The following PTPRN2 variants were observed in gnomAD, a reference collection of about 807,000 sequenced individuals.
The protein encoded by PTPRN2 is receptor-type tyrosine-protein phosphatase N2.
Under a neutral mutation model 118.8 loss-of-function variants are expected in PTPRN2, and 74 were observed. That is an observed-to-expected ratio of 0.62 (90% CI 0.52 to 0.76). The LOEUF (loss-of-function observed/expected upper bound fraction) is 0.76, where lower values mean the gene tolerates loss of function less well. PTPRN2 is among the 30% of genes least tolerant of loss of function. The pLI is 0.00. For synonymous variants in PTPRN2, 641 were observed against 608.0 expected (o/e 1.05, Z -0.80); for missense variants, 1,481 against 1,394.4 (o/e 1.06, Z -0.99).
chr7:157,921,217 A>G (rs1798675675), intron 11 of PTPRN2, among the ~76,000 whole-genome samples: 1 of 152,190 alleles, frequency 6.6e-6, no homozygotes, highest in Non-Finnish European at 1.5e-5. Context: ...AAGTGAAAGA[A>G]GCCATCCTGG....
At chr7:158,351,432 G>T (rs1312756350) in intron 2 of PTPRN2, among the ~76,000 whole-genome samples, 1 of 152,174 alleles carries the variant, frequency 6.6e-6, no homozygotes, top group Non-Finnish European at 1.5e-5. Context: ...GGGGCGACTC[G>T]TACACTGTAC....
At chr7:158,290,011 C>A (rs1800010403) in intron 3 of PTPRN2, among the ~76,000 whole-genome samples, 1 of 152,174 alleles carries the variant, frequency 6.6e-6, no homozygotes, top group Non-Finnish European at 1.5e-5. Flanking sequence ...TAGAGCCTGG[C>A]ATCCGTTAAG....
At chr7:158,534,491 G>A (rs1391372979) in intron 1 of PTPRN2, among the ~76,000 whole-genome samples, 2 of 152,206 alleles carry the variant, frequency 1.3e-5, no homozygotes, top group Non-Finnish European at 2.9e-5. Flanking sequence ...ACAGCTGTGT[G>A]CTGCTCTTCA....
At chr7:157,902,876 G>A (rs1311661373) in intron 11 of PTPRN2, among the ~76,000 whole-genome samples, 9 of 152,168 alleles carry the variant, frequency 5.9e-5, no homozygotes, top group African/African-American at 9.7e-5. Context: ...AACAGGCATC[G>A]TGGTGAGCTC....
intron 2 of PTPRN2, among the ~76,000 whole-genome samples, chr7:158,410,635 T>C (rs964307841): frequency 6.6e-6 from 1 of 152,196 alleles, no homozygotes; most frequent in African/African-American, 2.4e-5. Context: ...CACGAGTGGC[T>C]CTTAACTTCT....
intron 9 of PTPRN2, among the ~76,000 whole-genome samples, chr7:158,132,507 GCA>G (rs1367849513): frequency 6.7e-6 from 1 of 149,430 alleles, no homozygotes; most frequent in African/African-American, 2.5e-5. Context: ...ACATACAGAT[GCA>G]CACACATTTA....
intron 11 of PTPRN2, among the ~76,000 whole-genome samples, chr7:157,956,435 G>A (rs1447637170): frequency 1.3e-5 from 2 of 152,370 alleles, no homozygotes; most frequent in South Asian, 2.1e-4. Flanking sequence ...TCTACCAGAA[G>A]AGGCTGGGTC....
intron 14 of PTPRN2, among the ~76,000 whole-genome samples, chr7:157,635,841 C>T (rs991081643): frequency 1.3e-5 from 2 of 152,242 alleles, no homozygotes; most frequent in Non-Finnish European, 2.9e-5. Context: ...AGCTTACAGT[C>T]TCTCACCCCA....
At chr7:158,329,843 C>T (rs1022457306) in intron 2 of PTPRN2, among the ~76,000 whole-genome samples, 2 of 152,152 alleles carry the variant, frequency 1.3e-5, no homozygotes, top group East Asian at 3.9e-4. Context: ...CGGAGACTCA[C>T]TTTCACTTTA....
chr7:157,932,074 C>T (rs898781607), intron 11 of PTPRN2, among the ~76,000 whole-genome samples: 1 of 152,222 alleles, frequency 6.6e-6, no homozygotes, highest in Non-Finnish European at 1.5e-5. Flanking sequence ...AAATCTCTCT[C>T]TATATTTATA....
At chr7:158,278,328 C>A (rs558115837) in intron 3 of PTPRN2, among the ~76,000 whole-genome samples, 29 of 145,074 alleles carry the variant, frequency 2.0e-4, no homozygotes, top group Admixed American at 1.9e-3. Context: ...CATGATGAAA[C>A]CCCGTCTCTA....
intron 2 of PTPRN2, among the ~76,000 whole-genome samples, chr7:158,479,682 CCACT>C (rs1820523665): frequency 6.6e-6 from 1 of 152,232 alleles, no homozygotes; most frequent in African/African-American, 2.4e-5. Flanking sequence ...GAATCACAAA[CCACT>C]CAGAGAGCCT....
At chr7:157,873,933 G>A (rs1424223260) in intron 12 of PTPRN2, among the ~76,000 whole-genome samples, 2 of 152,146 alleles carry the variant, frequency 1.3e-5, no homozygotes, top group Non-Finnish European at 2.9e-5. Context: ...GGGGAAAGTT[G>A]TTTCCTGTCC....
rs1766848258 is a variant in PTPRN2 at position 157,763,536 on chromosome 7, C to A, written c.1789-80599G>T. On this transcript the variant is annotated intron_variant, in intron 12 of 22. Coordinates refer to ENST00000389418, the MANE Select transcript of PTPRN2 (RefSeq NM_002847.5). The surrounding 1 kb of genome is among the most constrained non-coding windows in gnomAD (Gnocchi z 4.9). Reference sequence around the variant, plus strand: ...CGGCTGGGTCCCCAGGGGAGCTGCACACTGAGCCTCCACCTCCTTTTCAGA... The same window carrying A: ...CGGCTGGGTCCCCAGGGGAGCTGCAAACTGAGCCTCCACCTCCTTTTCAGA... Among the ~76,000 whole-genome samples the A allele has an allele frequency of 6.6e-6, 1 of 152,134 alleles. No homozygotes were observed. The highest frequency in any genetic ancestry group is 2.4e-5 in the African/African-American group (1 of 41,452).
At chr7:157,546,100 GC>G (rs1798306352) in intron 22 of PTPRN2, among the ~76,000 whole-genome samples, 1 of 152,112 alleles carries the variant, frequency 6.6e-6, no homozygotes, top group South Asian at 2.1e-4. Flanking sequence ...CTCCAAGACA[GC>G]TCCTGAACAC....
At position 157,824,847 on chromosome 7, in the gene PTPRN2, G is replaced by A. The variant is rs140862777; in HGVS notation, c.1788+73826C>T. ...TTTCCCGTGAGGCAGAACCCGCCTC[G>A]CCTTGGCTGGAGCAGATGATGGAAC... On this transcript the variant is annotated intron_variant, in intron 12 of 22. Transcript: ENST00000389418. 2.1e-3 allele frequency among the ~76,000 whole-genome samples: 320 copies of A among 152,294 alleles called. 2 individuals carry two copies. Among genetic ancestry groups the A allele is most frequent in the Admixed American group, 7.8e-3 (120 of 15,298 alleles).
intron 12 of PTPRN2, among the ~76,000 whole-genome samples, chr7:157,885,051 G>A (rs1483477615): frequency 6.6e-6 from 1 of 152,092 alleles, no homozygotes; most frequent in Non-Finnish European, 1.5e-5. Context: ...TTTTGTTACA[G>A]GAGTCCACCC....
chr7:157,926,717 C>T (rs1195847315), intron 11 of PTPRN2, among the ~76,000 whole-genome samples: 1 of 152,222 alleles, frequency 6.6e-6, no homozygotes, highest in Non-Finnish European at 1.5e-5. Context: ...TAAAATGCTG[C>T]TCCTTTGCTT....
intron 1 of PTPRN2, among the ~76,000 whole-genome samples, chr7:158,584,146 C>T (rs1327549597): frequency 1.3e-5 from 2 of 152,104 alleles, no homozygotes; most frequent in Non-Finnish European, 2.9e-5. Context: ...TCTGGATTCT[C>T]GAAGCAAAAT....
Sources: allele counts gnomAD v4.1 joint callset (sites outside exome capture counted in the v4.1 genomes callset), GRCh38; gene constraint gnomAD v4.1.1; non-coding constraint Gnocchi (gnomAD v3.1); transcripts MANE v1.5; gene names NCBI Gene and HGNC (gene_info 2026-07-23, HGNC 2026-07-21).